Variants in ESRRG observed in about 807,000 individuals in gnomAD.
ESRRG encodes estrogen-related receptor gamma.
Under a neutral mutation model 44.0 loss-of-function variants are expected in ESRRG, and 13 were observed. That is an observed-to-expected ratio of 0.30 (90% CI 0.19 to 0.47). The LOEUF is 0.47. Ranked by LOEUF, ESRRG falls within the 20% of genes least tolerant of loss-of-function variation. ESRRG has a pLI of 1.00. For synonymous variants in ESRRG, 215 were observed against 214.6 expected (o/e 1.00, Z -0.02); for missense variants, 395 against 580.6 (o/e 0.68, Z 3.29).
At chr1:217,107,691 A>T (rs973973313) in intron 1 of ESRRG, among the ~76,000 whole-genome samples, 1 of 151,786 alleles carries the variant, frequency 6.6e-6, no homozygotes, top group Non-Finnish European at 1.5e-5. Flanking sequence ...TGTATGAAAA[A>T]CTCTTCTAAA....
intron 1 of ESRRG, among the ~76,000 whole-genome samples, chr1:217,020,228 T>C (rs2080078908): frequency 6.6e-6 from 1 of 152,112 alleles, no homozygotes; most frequent in Non-Finnish European, 1.5e-5. Flanking sequence ...AGAGCCGATA[T>C]CACAGTACCA....
At chr1:216,768,424 A>C (rs1294849882) in intron 2 of ESRRG, among the ~76,000 whole-genome samples, 1 of 147,696 alleles carries the variant, frequency 6.8e-6, no homozygotes, top group Admixed American at 6.7e-5. Flanking sequence ...TGTGAGGTAA[A>C]TAGATATAGA....
At chr1:216,769,044 G>A (rs1272291573) in intron 2 of ESRRG, among the ~76,000 whole-genome samples, 5 of 150,018 alleles carry the variant, frequency 3.3e-5, no homozygotes, top group Admixed American at 2.0e-4. Flanking sequence ...GAGAAGCATG[G>A]AATAGATGTT....
At chr1:216,813,777 C>T (rs931464941) in intron 2 of ESRRG, among the ~76,000 whole-genome samples, 1 of 152,056 alleles carries the variant, frequency 6.6e-6, no homozygotes, top group Non-Finnish European at 1.5e-5. Flanking sequence ...TTCTTCTTTC[C>T]CTAGATTTGT....
intron 1 of ESRRG, among the ~76,000 whole-genome samples, chr1:216,971,392 G>T (rs985187356): frequency 1.3e-5 from 2 of 152,160 alleles, no homozygotes; most frequent in African/African-American, 4.8e-5. Flanking sequence ...GTGTTAGAAA[G>T]AAGTACACGT....
At chr1:216,900,243 G>A (rs1431437267) in intron 2 of ESRRG, among the ~76,000 whole-genome samples, 2 of 152,208 alleles carry the variant, frequency 1.3e-5, no homozygotes, top group South Asian at 4.1e-4. Flanking sequence ...AGTCAAAGAA[G>A]ATGAGTTATC....
At chr1:216,622,996 T>C (rs2062529567) in intron 3 of ESRRG, among the ~76,000 whole-genome samples, 1 of 151,844 alleles carries the variant, frequency 6.6e-6, no homozygotes, top group South Asian at 2.1e-4. Flanking sequence ...TTTTTTCCTC[T>C]GGAAGTACAA....
intron 2 of ESRRG, among the ~76,000 whole-genome samples, chr1:216,736,663 C>T (rs1287796868): frequency 6.6e-6 from 1 of 152,152 alleles, no homozygotes; most frequent in Non-Finnish European, 1.5e-5. Context: ...CTAGCTGCTG[C>T]ATTTCGCTGG....
chr1:217,056,383 G>T (rs188560814), intron 1 of ESRRG, among the ~76,000 whole-genome samples: 11 of 152,224 alleles, frequency 7.2e-5, no homozygotes, highest in Non-Finnish European at 1.5e-5. Context: ...ATTTCTGGAA[G>T]AAGTCTGGGT....
At chr1:216,872,283 T>C (rs1025339735) in intron 2 of ESRRG, among the ~76,000 whole-genome samples, 5 of 152,162 alleles carry the variant, frequency 3.3e-5, no homozygotes, top group Non-Finnish European at 5.9e-5. Flanking sequence ...ATGGATTTAT[T>C]TGGATTCATA....
intron 2 of ESRRG, among the ~76,000 whole-genome samples, chr1:216,866,349 C>T (rs1205682605): frequency 6.6e-6 from 1 of 152,086 alleles, no homozygotes; most frequent in Non-Finnish European, 1.5e-5. Context: ...AATACAATGA[C>T]ATTTTAAGGA....
intron 2 of ESRRG, among the ~76,000 whole-genome samples, chr1:216,878,798 T>TA (rs1244864371): frequency 6.6e-6 from 1 of 152,218 alleles, no homozygotes; most frequent in African/African-American, 2.4e-5. Context: ...TTCAAAATAC[T>TA]AAAAAATACT....
chr1:216,854,901 A>AATAT (rs1266425381), intron 2 of ESRRG: 1 of 152,194 alleles, frequency 6.6e-6, no homozygotes, highest in African/African-American at 2.4e-5. Flanking sequence ...TTTTGAATAA[A>AATAT]ATATTGGTTT....
At chr1:216,849,854 G>C (rs866207751) in intron 2 of ESRRG, among the ~76,000 whole-genome samples, 1 of 152,180 alleles carries the variant, frequency 6.6e-6, no homozygotes, top group Middle Eastern at 3.4e-3. Flanking sequence ...CCCAGACCAT[G>C]TCTTGGGTTA....
At chr1:216,911,080 T>C (rs1193257839) in intron 2 of ESRRG, among the ~76,000 whole-genome samples, 1 of 152,188 alleles carries the variant, frequency 6.6e-6, no homozygotes, top group Non-Finnish European at 1.5e-5. Context: ...GTAGGCCTTT[T>C]AATTGTTATT....
chr1:217,063,410 C>T (rs370005013), intron 1 of ESRRG, among the ~76,000 whole-genome samples: 3 of 152,166 alleles, frequency 2.0e-5, no homozygotes, highest in Non-Finnish European at 2.9e-5. Flanking sequence ...ACAGTTGGTA[C>T]GCTAACCTTT....
At chr1:216,703,730 T>C (rs554217537) in intron 1 of ESRRG, among the ~76,000 whole-genome samples, 40 of 150,580 alleles carry the variant, frequency 2.7e-4, no homozygotes, top group African/African-American at 9.5e-4. Context: ...TGTGCAGGAG[T>C]GGGATTTTTG....
chr1:216,785,195 G>A (rs2094082486), intron 2 of ESRRG, among the ~76,000 whole-genome samples: 1 of 152,048 alleles, frequency 6.6e-6, no homozygotes, highest in African/African-American at 2.4e-5. Context: ...AACAGACTTT[G>A]AAGACTTTCA....
At chr1:216,786,815 G>A (rs1016440127) in intron 2 of ESRRG, among the ~76,000 whole-genome samples, 3 of 152,022 alleles carry the variant, frequency 2.0e-5, no homozygotes, top group Non-Finnish European at 2.9e-5. Flanking sequence ...TACAATAGAC[G>A]AAATACACAC....
Sources: gnomAD v4.1 joint callset for allele counts (sites outside exome capture counted in the v4.1 genomes callset) on GRCh38, gnomAD v4.1.1 for gene constraint, MANE v1.5 for transcripts, NCBI Gene and HGNC (gene_info 2026-07-23, HGNC 2026-07-21) for gene names.